Variants in C10orf90 observed in about 807,000 individuals in gnomAD.
C10orf90 encodes chromosome 10 open reading frame 90, also known as (E2-independent) E3 ubiquitin-conjugating enzyme FATS.
Under a neutral mutation model 62.5 loss-of-function variants are expected in C10orf90, and 56 were observed. The observed-to-expected ratio is 0.90, with a 90% CI of 0.72 to 1.12. The LOEUF (loss-of-function observed/expected upper bound fraction) is 1.12, where lower values mean the gene tolerates loss of function less well. C10orf90 is among the 50% of genes most tolerant of loss of function. The probability of loss-of-function intolerance (pLI) is 0.00; values close to 1 mark genes in which losing one functional copy is unlikely to be tolerated. For missense variants in C10orf90, 970 were observed against 880.4 expected (o/e 1.10, Z -1.29); for synonymous variants, 386 against 340.4 (o/e 1.13, Z -1.47).
intron 7 of C10orf90, among the ~76,000 whole-genome samples, chr10:126,447,914 C>G (rs903787557): frequency 6.6e-6 from 1 of 151,252 alleles, no homozygotes; most frequent in African/African-American, 2.4e-5. Context: ...TGCAGTGGTG[C>G]AATCTTGGCT....
At chr10:126,625,044 C>T (rs1171774445) in intron 2 of C10orf90, among the ~76,000 whole-genome samples, 2 of 152,222 alleles carry the variant, frequency 1.3e-5, no homozygotes, top group African/African-American at 2.4e-5. Flanking sequence ...CTGGGGCCCC[C>T]GTCCATGCTG....
At chr10:126,609,491 G>A (rs1845385446) in intron 2 of C10orf90, among the ~76,000 whole-genome samples, 1 of 152,244 alleles carries the variant, frequency 6.6e-6, no homozygotes, top group Non-Finnish European at 1.5e-5. Context: ...TGCTTTCTCA[G>A]TCCCTGTTTG....
chr10:126,570,826 A>T (rs528950943), intron 2 of C10orf90, among the ~76,000 whole-genome samples: 1 of 152,276 alleles, frequency 6.6e-6, no homozygotes, highest in African/African-American at 2.4e-5. Flanking sequence ...TCTTTCTCAC[A>T]CTTCCAATCC....
At chr10:126,538,649 T>G (rs947269542) in intron 2 of C10orf90, among the ~76,000 whole-genome samples, 1 of 152,250 alleles carries the variant, frequency 6.6e-6, no homozygotes, top group African/African-American at 2.4e-5. Context: ...AATCCATGTT[T>G]GATTAACCAT....
At chr10:126,644,353 G>A (rs1232487639) in intron 2 of C10orf90, among the ~76,000 whole-genome samples, 1 of 152,202 alleles carries the variant, frequency 6.6e-6, no homozygotes, top group African/African-American at 2.4e-5. Flanking sequence ...AGTGCCCAGT[G>A]CAATTTCTCT....
intron 4 of C10orf90, among the ~76,000 whole-genome samples, chr10:126,491,985 G>A (rs1453378651): frequency 6.6e-6 from 1 of 152,166 alleles, no homozygotes; most frequent in Non-Finnish European, 1.5e-5. Context: ...GGGAAAAGAT[G>A]AAGAAGAAAT....
rs796891743 is a variant in C10orf90 at position 126,581,519 on chromosome 10, G to T, written c.313+65046C>A. Among the ~76,000 whole-genome samples, 7 of 95,536 alleles carry T rather than the reference G, an allele frequency of 7.3e-5. 1 individual carries two copies. Among genetic ancestry groups the T allele is most frequent in the African/African-American group, 2.8e-4 (6 of 21,214 alleles). 62.7% of individuals were successfully genotyped at this position (95,536 alleles called of 152,430 possible). On this transcript the variant is annotated intron_variant, in intron 2 of 9. Transcript: ENST00000488181. Reference sequence around the variant, plus strand: ...GTACTCCGCAAGTCCTCCATCCTCAGGTCAGTCATGTTTCCTCTCTTCTCC... The same window carrying T: ...GTACTCCGCAAGTCCTCCATCCTCATGTCAGTCATGTTTCCTCTCTTCTCC...
At chr10:126,499,813 C>A (rs903725138) in intron 4 of C10orf90, among the ~76,000 whole-genome samples, 1 of 152,154 alleles carries the variant, frequency 6.6e-6, no homozygotes, top group African/African-American at 2.4e-5. Flanking sequence ...ATGTGGACAG[C>A]GTATTCACTA....
chr10:126,581,593 T>A (rs1865900), intron 2 of C10orf90, among the ~76,000 whole-genome samples: 24,395 of 152,134 alleles, frequency 0.16, 2,436 homozygotes, highest in African/African-American at 0.29. Context: ...AGGTTGGTCA[T>A]CTTCCTCACA....
chr10:126,583,742 C>A (rs1186955253), intron 2 of C10orf90, among the ~76,000 whole-genome samples: 2 of 152,176 alleles, frequency 1.3e-5, no homozygotes, highest in African/African-American at 4.8e-5. Context: ...TCTAGTAATA[C>A]TTTCCCAGAA....
chr10:126,601,469 A>AT (rs148596747), intron 2 of C10orf90, among the ~76,000 whole-genome samples: 2,577 of 152,250 alleles, frequency 0.017, 61 homozygotes, highest in African/African-American at 0.059. Flanking sequence ...AATAACATTT[A>AT]TTTTTTTAAA....
intron 2 of C10orf90, among the ~76,000 whole-genome samples, chr10:126,566,115 C>T (rs1844382336): frequency 6.6e-6 from 1 of 152,262 alleles, no homozygotes; most frequent in Admixed American, 6.5e-5. Context: ...AGCCAGAAAG[C>T]CTGGCATTTA....
chr10:126,509,581 C>T (rs1021837867), intron 3 of C10orf90, among the ~76,000 whole-genome samples: 4 of 152,200 alleles, frequency 2.6e-5, no homozygotes, highest in East Asian at 1.9e-4. Flanking sequence ...TTCATACATA[C>T]AGTCACGGTC....
intron 3 of C10orf90, among the ~76,000 whole-genome samples, chr10:126,508,936 A>G (rs1196772360): frequency 2.0e-5 from 3 of 152,152 alleles, no homozygotes; most frequent in Admixed American, 6.5e-5. Flanking sequence ...GGGATGGGAA[A>G]TACCTGACTC....
chr10:126,523,950 C>T (rs1208205516), intron 2 of C10orf90, among the ~76,000 whole-genome samples: 1 of 152,182 alleles, frequency 6.6e-6, no homozygotes, highest in Admixed American at 6.5e-5. Flanking sequence ...GTATATACTA[C>T]AATATCCATA....
intron 2 of C10orf90, among the ~76,000 whole-genome samples, chr10:126,532,781 G>A (rs1167115914): frequency 8.6e-6 from 1 of 116,762 alleles, no homozygotes; most frequent in Non-Finnish European, 1.6e-5. Flanking sequence ...AGATTGCAGT[G>A]AGCCGAGATC....
intron 7 of C10orf90, among the ~76,000 whole-genome samples, chr10:126,454,968 T>C (rs1356864213): frequency 3.9e-5 from 6 of 152,072 alleles, no homozygotes; most frequent in Admixed American, 3.9e-4. Flanking sequence ...AGGCCAGCTC[T>C]CCTGCCACCT....
chr10:126,534,459 T>C (rs1441979414), intron 2 of C10orf90, among the ~76,000 whole-genome samples: 1 of 152,198 alleles, frequency 6.6e-6, no homozygotes, highest in Non-Finnish European at 1.5e-5. Context: ...ATTCTCTTAG[T>C]CCTTAGGATC....
At chr10:126,576,638 T>C (rs905203669) in intron 2 of C10orf90, among the ~76,000 whole-genome samples, 5 of 136,916 alleles carry the variant, frequency 3.7e-5, no homozygotes, top group Admixed American at 7.5e-5. Context: ...GCTGCAGCAC[T>C]ATTCACCACA....
Sources: gnomAD v4.1 joint callset for allele counts (sites outside exome capture counted in the v4.1 genomes callset) on GRCh38, gnomAD v4.1.1 for gene constraint, MANE v1.5 for transcripts, NCBI Gene and HGNC (gene_info 2026-07-23, HGNC 2026-07-21) for gene names.